SLC45A4: variants seen among roughly 807,000 people sequenced by gnomAD.
SLC45A4 encodes solute carrier family 45 member 4, also known as polyamine-transporter SLC45A4.
A neutral mutation model predicts 63.7 loss-of-function variants in SLC45A4; 32 were observed. The observed-to-expected ratio is 0.50, with a 90% confidence interval of 0.38 to 0.67. The LOEUF (loss-of-function observed/expected upper bound fraction) is 0.67. Ranked by LOEUF, SLC45A4 falls within the 30% of genes least tolerant of loss-of-function variation. The pLI is 0.00. For missense variants in SLC45A4, 1,027 were observed against 1,157.7 expected (o/e 0.89, Z 1.64); for synonymous variants, 535 against 510.0 (o/e 1.05, Z -0.66).
At chr8:141,214,122 G>A (rs1825994607) in intron 7 of SLC45A4, among the ~76,000 whole-genome samples, 5 of 151,254 alleles carry the variant, frequency 3.3e-5, no homozygotes, top group Admixed American at 3.3e-4. Context: ...TAGCCAGGAG[G>A]CAGAGGTTGT....
chr8:141,231,994 G>A (rs1240591917), intron 2 of SLC45A4, among the ~76,000 whole-genome samples: 1 of 152,252 alleles, frequency 6.6e-6, no homozygotes, highest in East Asian at 1.9e-4. Context: ...CACTGCCCAG[G>A]CCCAGTGAAA....
intron 7 of SLC45A4, among the ~76,000 whole-genome samples, chr8:141,213,714 C>A (rs935431711): frequency 2.0e-5 from 3 of 152,148 alleles, no homozygotes; most frequent in Non-Finnish European, 4.4e-5. Flanking sequence ...CACGCGGACA[C>A]GTGGCAGGGA....
intron 2 of SLC45A4, among the ~76,000 whole-genome samples, chr8:141,242,279 A>G (rs1189053029): frequency 6.6e-6 from 1 of 152,270 alleles, no homozygotes; most frequent in Non-Finnish European, 1.5e-5. Flanking sequence ...AATCCAGCTC[A>G]TGTGACAGAT....
chr8:141,297,495 T>C (rs1467190188), intron 1 of SLC45A4, among the ~76,000 whole-genome samples: 1 of 152,250 alleles, frequency 6.6e-6, no homozygotes, highest in Non-Finnish European at 1.5e-5. Context: ...AACCACAGCC[T>C]GCATTTACAG....
At position 141,212,249 on chromosome 8, in the gene SLC45A4, A is replaced by G. The variant is rs563669519; in HGVS notation, c.2249T>C (p.Leu750Pro). Residue 750 changes from leucine to proline, a missense_variant, in exon 8 of 9, where the codon CTG (leucine) becomes CCG (proline). Leu to Pro is a moderately conservative substitution (Grantham distance 98). Transcript: ENST00000517878. ...AGGNSEKPTVLKLTRKEGLQG... is the reference protein window; with the variant it reads ...AGGNSEKPTVPKLTRKEGLQG... ...CAGGCCCTCCTTCCGCGTGAGCTTC[A>G]GCACGGTGGGCTTTTCGCTGTTCCC... 2.5e-6 allele frequency: 4 copies of G among 1,577,516 alleles called. No homozygotes were observed. Among genetic ancestry groups the G allele is most frequent in the Middle Eastern group, 1.8e-4 (1 of 5,474 alleles).
chr8:141,240,842 A>C (rs772450311), intron 2 of SLC45A4, among the ~76,000 whole-genome samples: 19 of 152,346 alleles, frequency 1.2e-4, no homozygotes, highest in Non-Finnish European at 2.4e-4. Flanking sequence ...GCTGCAGTGG[A>C]GACGCATGTG....
At chr8:141,222,789 C>T (rs770195430) in intron 2 of SLC45A4, among the ~76,000 whole-genome samples, 1 of 152,246 alleles carries the variant, frequency 6.6e-6, no homozygotes, top group Non-Finnish European at 1.5e-5. Context: ...GCGGAAAGGA[C>T]CCTCCACTGT....
intron 1 of SLC45A4, among the ~76,000 whole-genome samples, chr8:141,284,762 C>G (rs773697785): frequency 6.6e-6 from 1 of 152,146 alleles, no homozygotes; most frequent in African/African-American, 2.4e-5. Context: ...CTGCCTGGGT[C>G]CCATGAAGAA....
Position 141,212,399 on chromosome 8 carries a change from G to A in SLC45A4, c.2099C>T (p.Ser700Phe). 6.2e-7 allele frequency: 1 copy of A among 1,613,782 alleles called. No individual in the cohort carries two copies. The highest frequency in any genetic ancestry group is 8.5e-7 in the Non-Finnish European group (1 of 1,180,040). Residue 700 changes from serine (S) to phenylalanine (F), a missense_variant, in exon 8 of 9, where the codon TCT becomes TTT. Transcript: ENST00000517878. ...CAGGAAGCCCAGGAAAGAGCCCACA[G>A]AGGCCACCATGGGGATGACGCGGAC... ...GTVRVIPMVASVGSFLGFLTA... is the reference protein window; with the variant it reads ...GTVRVIPMVAFVGSFLGFLTA...
intron 2 of SLC45A4, among the ~76,000 whole-genome samples, chr8:141,240,495 CAG>C (rs1827858845): frequency 1.3e-5 from 2 of 152,222 alleles, no homozygotes; most frequent in African/African-American, 4.8e-5. Context: ...GAGCGTGACT[CAG>C]AGACTGGGGG....
chr8:141,238,373 C>T (rs1260339568), intron 2 of SLC45A4, among the ~76,000 whole-genome samples: 3 of 152,182 alleles, frequency 2.0e-5, no homozygotes, highest in African/African-American at 4.8e-5. Context: ...AGCTCAGGGG[C>T]GGTGAGCGCA....
At position 141,305,522 on chromosome 8, in the gene SLC45A4, G is replaced by A. The variant is rs1830870426; in HGVS notation, c.-401+2574C>T. ...CCTCACCCATCATTAGCAGGAACGCGGCTTCCAGCATATTCTGCCTCCACA... is the reference window on the plus strand; with the variant it reads ...CCTCACCCATCATTAGCAGGAACGCAGCTTCCAGCATATTCTGCCTCCACA... On this transcript the variant is annotated intron_variant, in intron 1 of 8. Transcript: ENST00000517878. 2.6e-5 allele frequency among the ~76,000 whole-genome samples: 4 copies of A among 152,230 alleles called. No individual in the cohort carries two copies. The South Asian group carries it at 6.2e-4, about 24-fold the overall frequency.
Position 141,247,404 on chromosome 8 carries a change from CTT to C in SLC45A4, c.241+6583_241+6584del, listed in dbSNP as rs1828266475. ...AAACATTCCTAGGAGAAATTAAAGA[CTT>C]AAGTGTGTTGAGAAGATATATTATG... On this transcript the variant is annotated intron_variant, in intron 2 of 8. Coordinates refer to ENST00000517878, the MANE Select transcript of SLC45A4 (RefSeq NM_001286646.2). 2.1e-5 allele frequency among the ~76,000 whole-genome samples: 3 copies of C among 141,134 alleles called. 1 individual carries two copies. The South Asian group carries it at 6.7e-4, about 32-fold the overall frequency. The allele number at this position is 141,134 out of a possible 152,430, so 92.6% of individuals were successfully genotyped here.
chr8:141,291,260 C>A (rs1396811768), intron 1 of SLC45A4, among the ~76,000 whole-genome samples: 1 of 152,230 alleles, frequency 6.6e-6, no homozygotes, highest in African/African-American at 2.4e-5. Flanking sequence ...TTCACCACAT[C>A]TCCAAAGGAA....
chr8:141,212,705 A>G, intron 7 of SLC45A4, 149 bp from the exon 8 acceptor site: 1 of 941,350 alleles, frequency 1.1e-6, no homozygotes, highest in Non-Finnish European at 1.5e-6. Flanking sequence ...GAGCACCCTC[A>G]ATCCCCCAGC....
At chr8:141,279,642 A>G (rs1829861275) in intron 1 of SLC45A4, among the ~76,000 whole-genome samples, 1 of 152,128 alleles carries the variant, frequency 6.6e-6, no homozygotes, top group Non-Finnish European at 1.5e-5. Flanking sequence ...GACCTGGTGC[A>G]TCGCGCACCC....
At chr8:141,283,952 G>A (rs1830050624) in intron 1 of SLC45A4, among the ~76,000 whole-genome samples, 1 of 152,126 alleles carries the variant, frequency 6.6e-6, no homozygotes, top group Non-Finnish European at 1.5e-5. Context: ...CAGGCTGTGT[G>A]GAGCTCATGC....
intron 1 of SLC45A4, among the ~76,000 whole-genome samples, chr8:141,274,152 C>G (rs1829642269): frequency 6.6e-6 from 1 of 152,022 alleles, no homozygotes; most frequent in Non-Finnish European, 1.5e-5. Context: ...TGGCGTGAAC[C>G]TGGGAGACAG....
intron 2 of SLC45A4, among the ~76,000 whole-genome samples, chr8:141,235,104 A>C (rs1827554658): frequency 6.6e-6 from 1 of 152,154 alleles, no homozygotes. Context: ...CTCTCCACCC[A>C]CAGGAGCCAT....
Sources: allele counts gnomAD v4.1 joint callset (sites outside exome capture counted in the v4.1 genomes callset), GRCh38; gene constraint gnomAD v4.1.1; transcripts MANE v1.5; gene names NCBI Gene and HGNC (gene_info 2026-07-23, HGNC 2026-07-21).